Variants in SRGAP3 observed in about 807,000 individuals in gnomAD.
SRGAP3 encodes SLIT-ROBO Rho GTPase-activating protein 3.
A neutral mutation model predicts 121.1 loss-of-function variants in SRGAP3; 39 were observed. The observed-to-expected ratio is 0.32, with a 90% CI of 0.25 to 0.42. SRGAP3 has a LOEUF of 0.42. Ranked by LOEUF, SRGAP3 falls within the 10% of genes least tolerant of loss-of-function variation. The pLI is 1.00. For synonymous variants in SRGAP3, 601 were observed against 570.0 expected (o/e 1.05, Z -0.77); for missense variants, 1,213 against 1,470.6 (o/e 0.82, Z 2.86).
At chr3:9,212,503 C>T (rs34960097) in intron 1 of SRGAP3, among the ~76,000 whole-genome samples, 4,725 of 127,272 alleles carry the variant, frequency 0.037, 109 homozygotes, top group Middle Eastern at 0.059. Flanking sequence ...AGGCGGATCA[C>T]GAGGTCAGGA....
At position 9,309,268 on chromosome 3, in the gene SRGAP3, A is replaced by G. The variant is rs201958174; in HGVS notation, n.442+16742T>C. ...TCAAATGACAGAACTAAGAGGAACA[A>G]CAGAGTGTTGTATTAAGCTACTAAC... On this transcript the variant is annotated intron_variant and non_coding_transcript_variant, in intron 3 of 3. Transcript: ENST00000490889. Among the ~76,000 whole-genome samples the G allele has an allele frequency of 7.9e-5, 12 of 152,324 alleles. No individual in the cohort carries two copies. The East Asian group carries it at 2.3e-3, about 29-fold the overall frequency.
At chr3:9,210,314 C>T (rs1952405744) in intron 1 of SRGAP3, among the ~76,000 whole-genome samples, 1 of 152,176 alleles carries the variant, frequency 6.6e-6, no homozygotes, top group Non-Finnish European at 1.5e-5. Context: ...ATTCACATTT[C>T]AGTAGAACAA....
intron 2 of SRGAP3, among the ~76,000 whole-genome samples, chr3:9,112,252 C>G (rs1948652143): frequency 1.3e-5 from 2 of 152,210 alleles, no homozygotes; most frequent in South Asian, 4.1e-4. Flanking sequence ...CTTCCTGCCC[C>G]GTTCCAGGAC....
At chr3:9,149,653 G>A (rs1405200617) in intron 1 of SRGAP3, among the ~76,000 whole-genome samples, 1 of 152,172 alleles carries the variant, frequency 6.6e-6, no homozygotes, top group African/African-American at 2.4e-5. Context: ...GAGGGTGAGG[G>A]AAAAAGCAGT....
intron 1 of SRGAP3, among the ~76,000 whole-genome samples, chr3:9,346,798 G>A (rs1014609906): frequency 7.0e-6 from 1 of 142,482 alleles, no homozygotes; most frequent in African/African-American, 2.6e-5. Flanking sequence ...CTTCTCCCCT[G>A]AGGCTGAAGT....
chr3:9,276,191 T>C (rs750128552), intron 3 of SRGAP3, among the ~76,000 whole-genome samples: 6 of 152,208 alleles, frequency 3.9e-5, no homozygotes, highest in Non-Finnish European at 7.3e-5. Flanking sequence ...TAACCCCTTC[T>C]TCTGCAGAGC....
At chr3:9,112,690 T>G (rs539293823) in intron 2 of SRGAP3, among the ~76,000 whole-genome samples, 120 of 152,306 alleles carry the variant, frequency 7.9e-4, no homozygotes, top group African/African-American at 2.7e-3. Flanking sequence ...AGACCTGAGC[T>G]GAGCTATTTC....
At chr3:9,070,727 T>A (rs1050241180) in intron 4 of SRGAP3, among the ~76,000 whole-genome samples, 3 of 152,198 alleles carry the variant, frequency 2.0e-5, no homozygotes, top group African/African-American at 7.2e-5. Flanking sequence ...TGTGTTCTGC[T>A]GAGCATACTT....
chr3:9,353,656 T>G (rs2030321481), intron 1 of SRGAP3, among the ~76,000 whole-genome samples: 1 of 152,240 alleles, frequency 6.6e-6, no homozygotes, highest in South Asian at 2.1e-4. Flanking sequence ...CAAAGCTGAT[T>G]GTATTTCCCT....
intron 2 of SRGAP3, among the ~76,000 whole-genome samples, chr3:9,114,570 T>G (rs568503332): frequency 1.3e-5 from 2 of 152,342 alleles, no homozygotes; most frequent in East Asian, 3.9e-4. Context: ...TTCCTCACAC[T>G]GCAGCATGAG....
At chr3:9,238,308 C>T (rs1383323775) in intron 1 of SRGAP3, among the ~76,000 whole-genome samples, 2 of 152,116 alleles carry the variant, frequency 1.3e-5, no homozygotes, top group Non-Finnish European at 2.9e-5. Context: ...TCTTGACCCC[C>T]TTGGTCCCTC....
intron 3 of SRGAP3, among the ~76,000 whole-genome samples, chr3:9,297,011 G>A (rs1455397839): frequency 2.0e-5 from 3 of 152,002 alleles, no homozygotes; most frequent in Non-Finnish European, 4.4e-5. Flanking sequence ...CAGCCTCCAA[G>A]GTAGCTGGGA....
chr3:9,124,192 G>A (rs1486943331), intron 2 of SRGAP3, among the ~76,000 whole-genome samples: 1 of 152,150 alleles, frequency 6.6e-6, no homozygotes, highest in African/African-American at 2.4e-5. Context: ...TTTGTGCATC[G>A]AAAATAAGTA....
chr3:9,004,078 A>T (rs897072345), intron 18 of SRGAP3, among the ~76,000 whole-genome samples: 1 of 152,204 alleles, frequency 6.6e-6, no homozygotes, highest in African/African-American at 2.4e-5. Flanking sequence ...AAAATCAATT[A>T]TATTTCCATA....
intron 14 of SRGAP3, 161 bp from the exon 15 acceptor site, chr3:9,015,892 T>C (rs1943614600): frequency 2.8e-5 from 20 of 725,040 alleles, no homozygotes; most frequent in Non-Finnish European, 4.6e-5. Context: ...AAGTTTAAAG[T>C]TCTCCCTGCA....
At chr3:9,194,211 T>A (rs890500138) in intron 1 of SRGAP3, 1 of 152,188 alleles carries the variant, frequency 6.6e-6, no homozygotes, top group African/African-American at 2.4e-5. Flanking sequence ...TTTAAATCCT[T>A]TTCCAATAGG....
At chr3:9,359,270 G>C (rs1003425802) in intron 1 of SRGAP3, among the ~76,000 whole-genome samples, 1 of 152,158 alleles carries the variant, frequency 6.6e-6, no homozygotes, top group East Asian at 1.9e-4. Flanking sequence ...AGACAAGGAG[G>C]GGAGCAACTG....
intron 2 of SRGAP3, among the ~76,000 whole-genome samples, chr3:9,107,175 A>G (rs1203451811): frequency 1.3e-5 from 2 of 152,274 alleles, no homozygotes; most frequent in Non-Finnish European, 2.9e-5. Context: ...AGTAAAAGCC[A>G]GGACACTACA....
intron 3 of SRGAP3, among the ~76,000 whole-genome samples, chr3:9,080,986 C>T (rs73015448): frequency 0.05 from 7,571 of 152,170 alleles, 273 homozygotes; most frequent in Non-Finnish European, 0.078. Context: ...TCAATCATCC[C>T]GAAACCATCG....
Sources: gnomAD v4.1 joint callset for allele counts (sites outside exome capture counted in the v4.1 genomes callset) on GRCh38, gnomAD v4.1.1 for gene constraint, MANE v1.5 for transcripts, NCBI Gene and HGNC (gene_info 2026-07-23, HGNC 2026-07-21) for gene names.